Variants in NLRP9 observed in about 807,000 individuals in gnomAD.
The protein encoded by NLRP9 is NACHT, LRR and PYD domains-containing protein 9.
Under a neutral mutation model 83.1 loss-of-function variants are expected in NLRP9, and 88 were observed. That is an observed-to-expected ratio of 1.06 (90% CI 0.89 to 1.26). NLRP9 has a LOEUF of 1.26. Among genes scored for constraint, NLRP9 ranks in the 50% most tolerant of loss-of-function variants. The pLI is 0.00. For synonymous variants in NLRP9, 521 were observed against 447.6 expected, an observed-to-expected ratio of 1.16 and a Z score of -2.07; for missense variants, 1,308 against 1,179.3, an observed-to-expected ratio of 1.11 and a Z score of -1.60.
chr19:55,716,856 GAT>G lies in NLRP9; in HGVS notation c.2200_2201del (p.Ile734ArgfsTer30). The stretch of plus-strand genomic sequence containing the variant: ...TGCTGTTGCAGGCCAGGACGGAGGC[GAT>G]GTCTTCACAAACTTCACTGGAGATG... ...CDISSEVCEDIASVLACNSKL... is the reference protein window; with the variant it reads ...CDISSEVCEDXASVLACNSKL... On this transcript the variant is annotated frameshift_variant, in exon 5 of 9. Coordinates refer to ENST00000332836, the MANE Select transcript of NLRP9 (RefSeq NM_176820.4). LOFTEE classifies it high-confidence loss of function. The G allele has an allele frequency of 6.2e-7, 1 of 1,613,748 alleles. No homozygotes were observed. Among genetic ancestry groups the G allele is most frequent in the Non-Finnish European group, 8.5e-7 (1 of 1,179,866 alleles).
chr19:55,717,348 A>C, intron 4 of NLRP9, among the ~76,000 whole-genome samples: 1 of 152,108 alleles, frequency 6.6e-6, no homozygotes, highest in Admixed American at 6.6e-5. Flanking sequence ...ACAAACTTTT[A>C]AGAAGTGCAA....
chr19:55,738,350 A>T lies in NLRP9; in HGVS notation c.25T>A (p.Phe9Ile). 6.2e-7 allele frequency: 1 copy of T among 1,613,518 alleles called. No homozygotes were observed. The highest frequency in any genetic ancestry group is 1.1e-5 in the South Asian group (1 of 91,042). The change falls in exon 1 of 9, where the codon TTT becomes ATT. Residue 9 changes from phenylalanine to isoleucine, a missense_variant. Phe to Ile is a conservative substitution (Grantham distance 21, BLOSUM62 0). Transcript: ENST00000332836. Reference protein sequence around the residue: MAESFFSDFGLLWYLKELR... With the variant: MAESFFSDIGLLWYLKELR... ...TCCTTCAGATACCACAACAAGCCAA[A>T]ATCCGAAAAAAAAGATTCTGCCATA... is the stretch of plus-strand genomic sequence containing the variant.
intron 4 of NLRP9, among the ~76,000 whole-genome samples, chr19:55,717,942 G>C (rs1035940369): frequency 6.6e-6 from 1 of 152,150 alleles, no homozygotes; most frequent in East Asian, 1.9e-4. Flanking sequence ...GATTGTTACT[G>C]TGTCTGTGTA....
rs1269029960 is a variant in NLRP9, at chr19:55,716,892, T to C, written c.2166A>G (p.Gly722=). The change falls in exon 5 of 9, where the codon GGA becomes GGG. Residue 722 remains glycine (G), a synonymous_variant. Transcript: ENST00000332836. ...PMCKIEELIL[G]KCDISSEVCE... is the part of the protein sequence containing the mutation. ...AAACTTCACTGGAGATGTCACACTT[T>C]CCCAGTCTACATGTGAAACACACAC... The C allele has an allele frequency of 3.1e-6, 5 of 1,613,402 alleles. No individual in the cohort carries two copies. The African/African-American group carries it at 6.7e-5, about 22-fold the overall frequency.
rs753505317 is a variant in NLRP9, at chr19:55,715,179, C to T, written c.2377G>A (p.Glu793Lys). The T allele has an allele frequency of 1.3e-5, 21 of 1,613,172 alleles. No homozygotes were observed. Among genetic ancestry groups the T allele is most frequent in the South Asian group, 6.6e-5 (6 of 91,080 alleles). ...LTSVSCDSIS[E>K]VLLCSKSLSL... ...AGGGACTTACTGCACAAGAGGACTTCGGAAATGGAGTCACAGGAGACAGAG... is the reference window on the plus strand; with the variant it reads ...AGGGACTTACTGCACAAGAGGACTTTGGAAATGGAGTCACAGGAGACAGAG... Residue 793 changes from glutamate (E) to lysine (K), a missense_variant, in exon 6 of 9, where the codon GAA becomes AAA. By Grantham distance (56) the Glu-to-Lys change is moderately conservative. Transcript: ENST00000332836.
intron 4 of NLRP9, among the ~76,000 whole-genome samples, chr19:55,719,856 G>A (rs1317480475): frequency 2.6e-5 from 4 of 152,052 alleles, no homozygotes; most frequent in Admixed American, 6.5e-5. Context: ...CACACACAAT[G>A]GGGGTGGGAG....
At position 55,738,101 on chromosome 19, in the gene NLRP9, T is replaced by C; in HGVS notation, c.274A>G (p.Met92Val). Residue 92 changes from methionine to valine, a missense_variant, in exon 1 of 9, where the codon ATG becomes GTG. Coordinates refer to ENST00000332836, the MANE Select transcript of NLRP9 (RefSeq NM_176820.4). ...KDLWTKAQEE[M>V]RNKLNPYRKH... is the part of the protein sequence containing the mutation. ...CCCATCATCCAGCACTTACTTCTCA[T>C]CTCTTCCTGAGCCTTTGTCCAGAGA... is the stretch of plus-strand genomic sequence containing the variant. 6.2e-7 allele frequency: 1 copy of C among 1,614,076 alleles called. No individual in the cohort carries two copies. The highest frequency in any genetic ancestry group is 8.5e-7 in the Non-Finnish European group (1 of 1,179,996).
rs755466901 is a variant in NLRP9 at position 55,712,610 on chromosome 19, A to G, written c.2502-20T>C. On this transcript the variant is annotated intron_variant, in intron 6 of 8. Coordinates refer to ENST00000332836, the MANE Select transcript of NLRP9 (RefSeq NM_176820.4). ...ATCAACCTGGGGAGGTGGAAGACAC[A>G]CAAATACGTACACTTATGAGGTCAA... 1 of 1,607,290 alleles carries G rather than the reference A, an allele frequency of 6.2e-7. No individual in the cohort carries two copies. Among genetic ancestry groups the G allele is most frequent in the South Asian group, 1.1e-5 (1 of 90,860 alleles).
chr19:55,730,833 G>A (rs1988549751), intron 2 of NLRP9, among the ~76,000 whole-genome samples: 1 of 152,046 alleles, frequency 6.6e-6, no homozygotes, highest in African/African-American at 2.4e-5. Context: ...TGGGTGATGG[G>A]ATGCTCTGCC....
chr19:55,729,190 G>T (rs114660929), intron 3 of NLRP9, among the ~76,000 whole-genome samples: 1 of 148,914 alleles, frequency 6.7e-6, no homozygotes, highest in South Asian at 2.1e-4. Context: ...AGGACTGCTC[G>T]CTCTCTGGCC....
At position 55,733,037 on chromosome 19, in the gene NLRP9, A is replaced by T; in HGVS notation, c.794T>A (p.Met265Lys). ...AATAAGGAGAGAGGATTCTGGAAGC[A>T]TCTTTTTTTGCAACAAACTGCTCAG... is the stretch of plus-strand genomic sequence containing the variant. ...IILSSLLQKK[M>K]LPESSLLIAL... The change falls in exon 2 of 9, where the codon ATG becomes AAG. Residue 265 changes from methionine (M) to lysine (K), a missense_variant. Coordinates refer to ENST00000332836, the MANE Select transcript of NLRP9 (RefSeq NM_176820.4). The T allele has an allele frequency of 6.2e-7, 1 of 1,613,604 alleles. No homozygotes were observed. The highest frequency in any genetic ancestry group is 8.5e-7 in the Non-Finnish European group (1 of 1,179,918).
intron 4 of NLRP9, among the ~76,000 whole-genome samples, chr19:55,722,723 A>G (rs1438264723): frequency 6.6e-6 from 1 of 152,240 alleles, no homozygotes; most frequent in Non-Finnish European, 1.5e-5. Context: ...CACTGTTCAC[A>G]ATAGCACAGC....
intron 4 of NLRP9, among the ~76,000 whole-genome samples, chr19:55,718,369 T>C (rs944990965): frequency 2.0e-5 from 3 of 152,148 alleles, no homozygotes; most frequent in African/African-American, 7.2e-5. Context: ...GCAGTTGAGA[T>C]AAGAGGAAGG....
chr19:55,723,397 G>T (rs1339886005), intron 4 of NLRP9, among the ~76,000 whole-genome samples: 1 of 152,106 alleles, frequency 6.6e-6, no homozygotes, highest in African/African-American at 2.4e-5. Context: ...GGTTGCCTGA[G>T]GGCAGAACCA....
At chr19:55,710,584 A>G (rs928345807) in intron 8 of NLRP9, among the ~76,000 whole-genome samples, 1 of 152,102 alleles carries the variant, frequency 6.6e-6, no homozygotes, top group Non-Finnish European at 1.5e-5. Context: ...TTCTCATGAT[A>G]GAGTTCTCAC....
Position 55,712,038 on chromosome 19 carries a change from A to C in NLRP9, c.2673-68T>G. On this transcript the variant is annotated intron_variant, in intron 7 of 8. Coordinates refer to ENST00000332836, the MANE Select transcript of NLRP9 (RefSeq NM_176820.4). ...GTAGGCTGGAAGGCACGCCATTGTT[A>C]CTTGCTAATTACACACCTCCCGGCA... is the stretch of plus-strand genomic sequence containing the variant. 3 of 1,494,114 alleles carry C rather than the reference A, an allele frequency of 2.0e-6. No homozygotes were observed. The South Asian group carries it at 3.6e-5, about 18-fold the overall frequency. 92.6% of individuals were successfully genotyped at this position (1,494,114 alleles called of 1,614,324 possible). A position where few individuals can be genotyped will look rare whatever the true frequency, so the allele number is the denominator to read the frequency against.
chr19:55,731,058 A>T (rs1988554923), intron 2 of NLRP9, among the ~76,000 whole-genome samples: 1 of 152,186 alleles, frequency 6.6e-6, no homozygotes, highest in African/African-American at 2.4e-5. Flanking sequence ...CCTCGTTTAG[A>T]TGTGAATACT....
chr19:55,729,050 C>CTT lies in NLRP9; in HGVS notation c.1994+779_1994+780dup, dbSNP rs374589373. ...TTATGCTTATCTTATTTTTCTTTTT[C>CTT]TTTTTTTTTTTTTTTTTTTTTTTAC... On this transcript the variant is annotated intron_variant, in intron 3 of 8. Coordinates refer to ENST00000332836, the MANE Select transcript of NLRP9 (RefSeq NM_176820.4). 1.2e-3 allele frequency among the ~76,000 whole-genome samples: 82 copies of CTT among 70,232 alleles called. 1 individual carries two copies. Among genetic ancestry groups the CTT allele is most frequent in the African/African-American group, 3.2e-3 (59 of 18,490 alleles). 46.1% of individuals were successfully genotyped at this position (70,232 alleles called of 152,430 possible).
chr19:55,709,048 GGA>G lies in NLRP9; in HGVS notation c.2844-6_2844-5del. 1 of 1,555,014 alleles carries G rather than the reference GGA, an allele frequency of 6.4e-7. No homozygotes were observed. Among genetic ancestry groups the G allele is most frequent in the South Asian group, 1.2e-5 (1 of 80,070 alleles). On this transcript the variant is annotated splice_region_variant and splice_polypyrimidine_tract_variant and intron_variant, in intron 8 of 8. Coordinates refer to ENST00000332836, the MANE Select transcript of NLRP9 (RefSeq NM_176820.4). ...ATCAAAGCCAGATTTGTGCAGCCTG[GGA>G]AAATAGAAATAAAGTTTTTTTTTTT...
Sources: gnomAD v4.1 joint callset for allele counts (sites outside exome capture counted in the v4.1 genomes callset) on GRCh38, gnomAD v4.1.1 for gene constraint, MANE v1.5 for transcripts, NCBI Gene and HGNC (gene_info 2026-07-23, HGNC 2026-07-21) for gene names.